AGAP1: variants seen among roughly 807,000 people sequenced by gnomAD.
AGAP1 encodes the protein arf-GAP with GTPase, ANK repeat and PH domain-containing protein 1.
In AGAP1, 29 loss-of-function variants were observed where a neutral mutation model predicts 105.3. The ratio of observed to expected loss-of-function variants is 0.28; its 90% CI spans 0.21 to 0.38. The LOEUF (loss-of-function observed/expected upper bound fraction) is 0.38, where lower values mean the gene tolerates loss of function less well. Ranked by LOEUF, AGAP1 falls within the 10% of genes least tolerant of loss-of-function variation. The pLI is 1.00. For missense variants in AGAP1, 998 were observed against 1,165.1 expected, an observed-to-expected ratio of 0.86 and a Z score of 2.09; for synonymous variants, 509 against 485.9, an observed-to-expected ratio of 1.05 and a Z score of -0.63.
chr2:235,601,644 C>T lies in AGAP1; in HGVS notation c.163+106795C>T, dbSNP rs1289555852. ...GATTCAGTAACCTCCCACTGGGTCC[C>T]TGGGAGCCACAATTCAAGATGAGAT... is the stretch of plus-strand genomic sequence containing the variant. On this transcript the variant is annotated intron_variant, in intron 1 of 17. Transcript: ENST00000304032. This position sits in a 1 kb window ranked among gnomAD's most constrained non-coding sequence, Gnocchi z 4.4. Among the ~76,000 whole-genome samples the T allele has an allele frequency of 2.0e-5, 3 of 152,106 alleles. No individual in the cohort carries two copies. Among genetic ancestry groups the T allele is most frequent in the African/African-American group, 4.8e-5 (2 of 41,430 alleles).
At chr2:235,576,880 A>G (rs558563993) in intron 1 of AGAP1, among the ~76,000 whole-genome samples, 5 of 152,172 alleles carry the variant, frequency 3.3e-5, no homozygotes, top group Non-Finnish European at 5.9e-5. Context: ...GGACAATTCT[A>G]ATGGCCTCTC....
chr2:235,732,360 T>C lies in AGAP1; in HGVS notation c.311-8603T>C, dbSNP rs936640010. Among the ~76,000 whole-genome samples, 2 of 152,202 alleles carry C rather than the reference T, an allele frequency of 1.3e-5. No individual in the cohort carries two copies. Among genetic ancestry groups the C allele is most frequent in the Non-Finnish European group, 2.9e-5 (2 of 68,042 alleles). On this transcript the variant is annotated intron_variant, in intron 3 of 17. Coordinates refer to ENST00000304032, the MANE Select transcript of AGAP1 (RefSeq NM_001037131.3). The surrounding 1 kb of genome is among the most constrained non-coding windows in gnomAD (Gnocchi z 4.8). ...TCTTCTGCTCCTTACTTTTTCTAAT[T>C]TTATTCATCAGTTCCCCAAATGCCG...
chr2:235,902,879 C>T lies in AGAP1; in HGVS notation c.1156-5859C>T, dbSNP rs1007279748. 5.3e-5 allele frequency among the ~76,000 whole-genome samples: 8 copies of T among 152,176 alleles called. No homozygotes were observed. In the East Asian group the frequency reaches 1.3e-3, roughly 26 times the overall value. ...CTCAAAGGTCGAAATGTTTAAAAAT[C>T]GGTAGCACTTCTTTTTTTAAGTGTA... On this transcript the variant is annotated intron_variant, in intron 10 of 17. Coordinates refer to ENST00000304032, the MANE Select transcript of AGAP1 (RefSeq NM_001037131.3).
In AGAP1 at chr2:235,741,060, T is replaced by G; in HGVS notation, c.396+12T>G. 1.2e-6 allele frequency: 2 copies of G among 1,610,010 alleles called. No individual in the cohort carries two copies. Among genetic ancestry groups the G allele is most frequent in the Non-Finnish European group, 1.7e-6 (2 of 1,177,032 alleles). ...CCCCGGAGGCGCAGGTGAGTATACA[T>G]GCATGCCCCAAGCCTGCTTTTTTTC... On this transcript the variant is annotated intron_variant, in intron 4 of 17. Transcript: ENST00000304032. The surrounding 1 kb of genome is among the most constrained non-coding windows in gnomAD (Gnocchi z 4.9).
At chr2:235,706,250 A>C (rs1950527461) in intron 1 of AGAP1, among the ~76,000 whole-genome samples, 1 of 152,136 alleles carries the variant, frequency 6.6e-6, no homozygotes, top group African/African-American at 2.4e-5. Flanking sequence ...AACGAGATGG[A>C]GTCTCGCTCT....
At chr2:235,735,737 G>A (rs1235149172) in intron 3 of AGAP1, among the ~76,000 whole-genome samples, 4 of 151,922 alleles carry the variant, frequency 2.6e-5, no homozygotes, top group East Asian at 3.9e-4. Context: ...TTAAGACCTC[G>A]ACTCGCTTAT....
intron 1 of AGAP1, among the ~76,000 whole-genome samples, chr2:235,529,937 A>AAAGGTTAAAAT (rs1232284620): frequency 6.6e-6 from 1 of 152,134 alleles, no homozygotes; most frequent in Non-Finnish European, 1.5e-5. Flanking sequence ...CTGGAGATTG[A>AAAGGTTAAAAT]AAGGTTAAAA....
chr2:236,047,520 G>GT (rs2057757516), intron 15 of AGAP1, among the ~76,000 whole-genome samples: 3 of 149,062 alleles, frequency 2.0e-5, no homozygotes, highest in South Asian at 4.3e-4. Context: ...TTCTGCTTGG[G>GT]TTTTTTTCAT....
chr2:235,773,504 G>A (rs901947721), intron 6 of AGAP1, among the ~76,000 whole-genome samples: 1 of 152,200 alleles, frequency 6.6e-6, no homozygotes, highest in Non-Finnish European at 1.5e-5. Context: ...AAGGCAGGGA[G>A]GGGGTTGCAA....
Position 236,035,797 on chromosome 2 carries a change from A to T in AGAP1, c.1646-764A>T, listed in dbSNP as rs541107681. Among the ~76,000 whole-genome samples the T allele has an allele frequency of 2.0e-5, 3 of 152,208 alleles. No homozygotes were observed. In the East Asian group the frequency reaches 5.8e-4, roughly 29 times the overall value. On this transcript the variant is annotated intron_variant, in intron 13 of 17. Coordinates refer to ENST00000304032, the MANE Select transcript of AGAP1 (RefSeq NM_001037131.3). This position sits in a 1 kb window ranked among gnomAD's most constrained non-coding sequence, Gnocchi z 4.2. ...GTCCCAAGTCCGCATGGGTCTGTAC[A>T]CTTCATGGAACTAGCAGAAAAGCAT...
At chr2:236,086,551 T>G (rs931712878) in intron 16 of AGAP1, among the ~76,000 whole-genome samples, 8 of 152,240 alleles carry the variant, frequency 5.3e-5, no homozygotes, top group Non-Finnish European at 1.0e-4. Flanking sequence ...GGTAACATAG[T>G]TTCTCTTTTA....
chr2:235,756,810 T>C (rs1430406111), intron 6 of AGAP1, among the ~76,000 whole-genome samples: 2 of 152,086 alleles, frequency 1.3e-5, no homozygotes, highest in African/African-American at 4.8e-5. Flanking sequence ...CTTAGGAGAC[T>C]CTAATGCCTG....
intron 13 of AGAP1, among the ~76,000 whole-genome samples, chr2:236,015,682 G>A (rs1448726831): frequency 6.6e-6 from 1 of 152,112 alleles, no homozygotes; most frequent in Non-Finnish European, 1.5e-5. Flanking sequence ...ATGCAAAGCA[G>A]GTCACAATCC....
At chr2:235,832,078 T>A (rs904883378) in intron 9 of AGAP1, among the ~76,000 whole-genome samples, 23 of 152,228 alleles carry the variant, frequency 1.5e-4, no homozygotes, top group African/African-American at 5.3e-4. Context: ...GAGCATCTTT[T>A]CATGTGTTTA....
chr2:236,027,039 T>G lies in AGAP1; in HGVS notation c.1646-9522T>G, dbSNP rs2057077402. Among the ~76,000 whole-genome samples the G allele has an allele frequency of 6.6e-6, 1 of 152,336 alleles. No individual in the cohort carries two copies. The highest frequency in any genetic ancestry group is 2.1e-4 in the South Asian group (1 of 4,828). On this transcript the variant is annotated intron_variant, in intron 13 of 17. Coordinates refer to ENST00000304032, the MANE Select transcript of AGAP1 (RefSeq NM_001037131.3). This position sits in a 1 kb window ranked among gnomAD's most constrained non-coding sequence, Gnocchi z 4.4. ...GTGCCTGACAGAATTTGGAGCCCAG[T>G]GGTATTATTTTCTATGTTTATTACT...
At chr2:235,847,391 C>T (rs915952148) in intron 9 of AGAP1, among the ~76,000 whole-genome samples, 1 of 152,096 alleles carries the variant, frequency 6.6e-6, no homozygotes, top group East Asian at 1.9e-4. Flanking sequence ...AAAAATGATT[C>T]ACAATGAAAA....
chr2:235,564,828 G>C (rs1944291987), intron 1 of AGAP1, among the ~76,000 whole-genome samples: 1 of 147,612 alleles, frequency 6.8e-6, no homozygotes, highest in Non-Finnish European at 1.5e-5. Flanking sequence ...GTGTGAGCCT[G>C]GACCAGCACC....
rs1323864590 is a variant in AGAP1, at chr2:235,906,947, C to T, written c.1156-1791C>T. ...AGGAGAATCTCTTGAATCCGGAAGG[C>T]AGAGGTTACAGTGAGCTGAGTTCAT... On this transcript the variant is annotated intron_variant, in intron 10 of 17. Coordinates refer to ENST00000304032, the MANE Select transcript of AGAP1 (RefSeq NM_001037131.3). This position sits in a 1 kb window ranked among gnomAD's most constrained non-coding sequence, Gnocchi z 5.3. Among the ~76,000 whole-genome samples the T allele has an allele frequency of 2.0e-5, 3 of 152,190 alleles. No homozygotes were observed. Among genetic ancestry groups the T allele is most frequent in the South Asian group, 2.1e-4 (1 of 4,828 alleles).
intron 8 of AGAP1, among the ~76,000 whole-genome samples, chr2:235,802,372 A>G (rs1957536300): frequency 6.6e-6 from 1 of 152,204 alleles, no homozygotes; most frequent in African/African-American, 2.4e-5. Context: ...GTGTCACATA[A>G]TATAATGGTC....
Sources: allele counts gnomAD v4.1 joint callset (sites outside exome capture counted in the v4.1 genomes callset), GRCh38; gene constraint gnomAD v4.1.1; non-coding constraint Gnocchi (gnomAD v3.1); transcripts MANE v1.5; gene names NCBI Gene and HGNC (gene_info 2026-07-23, HGNC 2026-07-21).